Variants in PHACTR1 observed in about 807,000 individuals in gnomAD.
PHACTR1 encodes the protein RPEL repeat containing 1.
PHACTR1 carries 16 observed loss-of-function variants against 69.2 expected under a neutral mutation model. The observed-to-expected ratio is 0.23, with a 90% CI of 0.16 to 0.35. PHACTR1 has a LOEUF of 0.35. Ranked by LOEUF, PHACTR1 falls within the 10% of genes least tolerant of loss-of-function variation. The probability of loss-of-function intolerance (pLI) is 1.00; values close to 1 mark genes in which losing one functional copy is unlikely to be tolerated. For missense variants in PHACTR1, 510 were observed against 734.7 expected (o/e 0.69, Z 3.54); for synonymous variants, 312 against 284.5 (o/e 1.10, Z -0.97).
chr6:13,051,751 T>TG, intron 4 of PHACTR1, among the ~76,000 whole-genome samples: 4 of 152,214 alleles, frequency 2.6e-5, no homozygotes, highest in Non-Finnish European at 5.9e-5. Flanking sequence ...GAGTTTTATA[T>TG]TGTAGCTCTG....
intron 4 of PHACTR1, among the ~76,000 whole-genome samples, chr6:12,919,530 G>C (rs1008999685): frequency 6.6e-6 from 1 of 152,192 alleles, no homozygotes; most frequent in Admixed American, 6.5e-5. Context: ...CAATCTAGAA[G>C]TTGTGTTTCA....
At chr6:12,970,425 A>G (rs1233298814) in intron 4 of PHACTR1, among the ~76,000 whole-genome samples, 2 of 152,248 alleles carry the variant, frequency 1.3e-5, no homozygotes, top group Admixed American at 1.3e-4. Flanking sequence ...ACCCAAAGGG[A>G]GAAGACTTCA....
At chr6:12,855,444 C>T (rs1482713802) in intron 4 of PHACTR1, among the ~76,000 whole-genome samples, 1 of 152,114 alleles carries the variant, frequency 6.6e-6, no homozygotes, top group Non-Finnish European at 1.5e-5. Flanking sequence ...AGGACGAGAC[C>T]CTGTCTCTAT....
intron 5 of PHACTR1, among the ~76,000 whole-genome samples, chr6:13,152,184 A>C (rs1824414203): frequency 6.6e-6 from 1 of 152,148 alleles, no homozygotes; most frequent in Non-Finnish European, 1.5e-5. Flanking sequence ...AATACAAAAA[A>C]TTAGCCAGGC....
At chr6:12,802,925 T>C (rs902770813) in intron 4 of PHACTR1, among the ~76,000 whole-genome samples, 8 of 152,200 alleles carry the variant, frequency 5.3e-5, no homozygotes, top group African/African-American at 1.9e-4. Flanking sequence ...TTCAGTGTAT[T>C]CCTTACTCTT....
At chr6:12,930,901 A>G (rs1788790627) in intron 4 of PHACTR1, among the ~76,000 whole-genome samples, 2 of 151,020 alleles carry the variant, frequency 1.3e-5, no homozygotes, top group South Asian at 4.2e-4. Context: ...AAATACAAAA[A>G]TTAGCTGGGC....
intron 4 of PHACTR1, among the ~76,000 whole-genome samples, chr6:13,033,652 G>C (rs565036001): frequency 1.3e-5 from 2 of 152,346 alleles, no homozygotes; most frequent in African/African-American, 4.8e-5. Context: ...ATACAGGATT[G>C]ATTCAATCTG....
At chr6:12,728,035 G>C (rs535352444) in intron 3 of PHACTR1, among the ~76,000 whole-genome samples, 9 of 152,264 alleles carry the variant, frequency 5.9e-5, no homozygotes, top group African/African-American at 1.9e-4. Flanking sequence ...GAGAGGGCCA[G>C]GCACAGTGGC....
At chr6:13,151,840 G>A (rs1238832460) in intron 5 of PHACTR1, among the ~76,000 whole-genome samples, 4 of 152,104 alleles carry the variant, frequency 2.6e-5, no homozygotes, top group African/African-American at 7.2e-5. Context: ...TATGGAGGGA[G>A]AGAAAGTGAA....
intron 6 of PHACTR1, among the ~76,000 whole-genome samples, chr6:13,166,367 A>G (rs1759812413): frequency 6.6e-6 from 1 of 152,086 alleles, no homozygotes; most frequent in African/African-American, 2.4e-5. Context: ...TCCTCACTTC[A>G]TAAGCTCCAC....
At chr6:13,096,334 C>T (rs1046286860) in intron 5 of PHACTR1, among the ~76,000 whole-genome samples, 1 of 152,158 alleles carries the variant, frequency 6.6e-6, no homozygotes, top group African/African-American at 2.4e-5. Context: ...AAGAGAAATT[C>T]CTTCTCTGAT....
At chr6:13,086,418 A>C (rs4329096) in intron 5 of PHACTR1, among the ~76,000 whole-genome samples, 1 of 151,850 alleles carries the variant, frequency 6.6e-6, no homozygotes, top group African/African-American at 2.4e-5. Flanking sequence ...ATATACAGAC[A>C]TGTAACCCCC....
At position 12,748,724 on chromosome 6, in the gene PHACTR1, C is replaced by G. The variant is rs140314339; in HGVS notation, c.104-920C>G. ...GGTTGTAGAGGCTACAAGTCCAACC[C>G]AAACACTATTATTTGTGACCAAATA... On this transcript the variant is annotated intron_variant, in intron 3 of 14. Coordinates refer to ENST00000332995, the MANE Select transcript of PHACTR1 (RefSeq NM_030948.6). 3.2e-3 allele frequency among the ~76,000 whole-genome samples: 492 copies of G among 152,216 alleles called. 2 individuals carry two copies. Among genetic ancestry groups the G allele is most frequent in the Middle Eastern group, 6.8e-3 (2 of 294 alleles).
intron 4 of PHACTR1, among the ~76,000 whole-genome samples, chr6:12,761,531 T>C (rs1380776044): frequency 6.6e-6 from 1 of 152,224 alleles, no homozygotes; most frequent in Non-Finnish European, 1.5e-5. Flanking sequence ...CTTCTTAGTG[T>C]GGTCTTGACC....
intron 4 of PHACTR1, among the ~76,000 whole-genome samples, chr6:12,837,529 C>G (rs1005760696): frequency 1.3e-5 from 2 of 152,156 alleles, no homozygotes; most frequent in Admixed American, 1.3e-4. Flanking sequence ...TATCTAGCAT[C>G]TTTTCCATTC....
chr6:12,968,446 C>T (rs981592987), intron 4 of PHACTR1, among the ~76,000 whole-genome samples: 8 of 152,132 alleles, frequency 5.3e-5, no homozygotes, highest in African/African-American at 1.9e-4. Context: ...AGGCTTGTGG[C>T]ATAAAGTACA....
In PHACTR1 at chr6:12,894,658, C is replaced by A. The variant is rs186072484; in HGVS notation, c.250+144868C>A. Among the ~76,000 whole-genome samples the A allele has an allele frequency of 6.6e-5, 10 of 152,244 alleles. No individual in the cohort carries two copies. In the East Asian group the frequency reaches 1.5e-3, roughly 24 times the overall value. On this transcript the variant is annotated intron_variant, in intron 4 of 14. Coordinates refer to ENST00000332995, the MANE Select transcript of PHACTR1 (RefSeq NM_030948.6). ...ACTTTTCTGCCCAGCCATGCTGTCA[C>A]CCCTAACCACATAGTAGAGTTAGAC...
chr6:13,112,175 A>G (rs181586572), intron 5 of PHACTR1, among the ~76,000 whole-genome samples: 224 of 152,192 alleles, frequency 1.5e-3, no homozygotes, highest in African/African-American at 4.9e-3. Context: ...AATGGCCTCC[A>G]CTTTCATCCA....
intron 4 of PHACTR1, among the ~76,000 whole-genome samples, chr6:12,864,553 AC>A (rs1226628017): frequency 6.6e-6 from 1 of 151,984 alleles, no homozygotes; most frequent in African/African-American, 2.4e-5. Flanking sequence ...GGTGGTGGGC[AC>A]CTGTAGTCCC....
Sources: allele counts gnomAD v4.1 joint callset (sites outside exome capture counted in the v4.1 genomes callset), GRCh38; gene constraint gnomAD v4.1.1; transcripts MANE v1.5; gene names NCBI Gene and HGNC (gene_info 2026-07-23, HGNC 2026-07-21).